AK5: variants seen among roughly 807,000 people sequenced by gnomAD.
AK5 encodes the protein adenylate kinase isoenzyme 5.
In AK5, 27 loss-of-function variants were observed where a neutral mutation model predicts 69.5. The ratio of observed to expected loss-of-function variants is 0.39; its 90% CI spans 0.29 to 0.54. AK5 has a LOEUF of 0.54. Among genes scored for constraint, AK5 ranks in the 20% least tolerant of loss-of-function variants. The pLI, the probability that AK5 is intolerant of heterozygous loss-of-function variation, is 0.71. For missense variants in AK5, 531 were observed against 700.4 expected, an observed-to-expected ratio of 0.76 and a Z score of 2.73; for synonymous variants, 260 against 244.4, an observed-to-expected ratio of 1.06 and a Z score of -0.60.
chr1:77,406,155 C>T (rs111417051), intron 6 of AK5, among the ~76,000 whole-genome samples: 13,531 of 150,988 alleles, frequency 0.09, 875 homozygotes, highest in African/African-American at 0.17. Flanking sequence ...ATGTGAAAAG[C>T]AGTGCATTGA....
intron 8 of AK5, among the ~76,000 whole-genome samples, chr1:77,451,550 G>A (rs1202376647): frequency 6.6e-6 from 1 of 152,142 alleles, no homozygotes; most frequent in Non-Finnish European, 1.5e-5. Context: ...ATTACTCTAG[G>A]AGTAAATAAG....
intron 5 of AK5, among the ~76,000 whole-genome samples, chr1:77,302,744 A>C (rs148062335): frequency 6.9e-4 from 105 of 152,322 alleles, no homozygotes; most frequent in Non-Finnish European, 1.3e-3. Flanking sequence ...CTCGCAAAGC[A>C]GTCAATTCTT....
intron 8 of AK5, among the ~76,000 whole-genome samples, chr1:77,445,174 A>T (rs1468766217): frequency 1.3e-5 from 2 of 152,136 alleles, no homozygotes; most frequent in Non-Finnish European, 2.9e-5. Context: ...ATCATATGGT[A>T]GTTCTACTTT....
chr1:77,526,435 C>T (rs561065702), intron 12 of AK5, among the ~76,000 whole-genome samples: 4 of 146,456 alleles, frequency 2.7e-5, no homozygotes, highest in South Asian at 2.2e-4. Context: ...ACAGGTCCTG[C>T]GCATGTTTGG....
At chr1:77,458,478 A>T (rs114428766) in intron 8 of AK5, among the ~76,000 whole-genome samples, 2,934 of 152,288 alleles carry the variant, frequency 0.019, 88 homozygotes, top group East Asian at 0.12. Context: ...ATAAAGACAT[A>T]CCTGAGACTG....
chr1:77,496,413 G>A (rs1235154650), intron 10 of AK5, among the ~76,000 whole-genome samples: 1 of 152,180 alleles, frequency 6.6e-6, no homozygotes, highest in Non-Finnish European at 1.5e-5. Flanking sequence ...CACATCATCA[G>A]CTTCCAACTT....
At chr1:77,366,330 A>G (rs1374090869) in intron 6 of AK5, among the ~76,000 whole-genome samples, 1 of 152,214 alleles carries the variant, frequency 6.6e-6, no homozygotes, top group Non-Finnish European at 1.5e-5. Context: ...TCCAGTGCCT[A>G]GCACATTATA....
chr1:77,389,464 A>G (rs114049868), intron 6 of AK5, among the ~76,000 whole-genome samples: 1,537 of 152,324 alleles, frequency 0.01, 6 homozygotes, highest in Non-Finnish European at 0.015. Context: ...GCTGGATTAC[A>G]TAAGTTAAAT....
chr1:77,377,757 T>A (rs1475980982), intron 6 of AK5, among the ~76,000 whole-genome samples: 1 of 152,230 alleles, frequency 6.6e-6, no homozygotes, highest in Non-Finnish European at 1.5e-5. Flanking sequence ...GGTGATATAG[T>A]TCCATACTTC....
At chr1:77,451,657 T>G (rs890703229) in intron 8 of AK5, among the ~76,000 whole-genome samples, 7 of 152,256 alleles carry the variant, frequency 4.6e-5, no homozygotes, top group African/African-American at 1.7e-4. Context: ...ATAAATAATC[T>G]TGAATGAATA....
chr1:77,531,197 G>A (rs900745237), intron 12 of AK5, among the ~76,000 whole-genome samples: 2 of 152,228 alleles, frequency 1.3e-5, no homozygotes, highest in Admixed American at 6.5e-5. Context: ...CAGGAGTGAA[G>A]CTGCAGACCT....
intron 10 of AK5, among the ~76,000 whole-genome samples, chr1:77,510,516 A>G (rs770399584): frequency 5.9e-5 from 9 of 151,804 alleles, no homozygotes; most frequent in East Asian, 1.9e-4. Context: ...TTCCGCTGCT[A>G]AAAAAAAGAA....
chr1:77,497,185 C>A (rs184802774), intron 10 of AK5, among the ~76,000 whole-genome samples: 1 of 152,060 alleles, frequency 6.6e-6, no homozygotes, highest in East Asian at 1.9e-4. Context: ...CAACTCCGGA[C>A]GTGCCACCCT....
chr1:77,341,508 A>G (rs1557511305), intron 6 of AK5, among the ~76,000 whole-genome samples: 1 of 152,186 alleles, frequency 6.6e-6, no homozygotes, highest in Non-Finnish European at 1.5e-5. Flanking sequence ...TGCCCATCCC[A>G]ATAAAAAGCA....
At chr1:77,500,166 A>C (rs1392702356) in intron 10 of AK5, among the ~76,000 whole-genome samples, 1 of 151,808 alleles carries the variant, frequency 6.6e-6, no homozygotes, top group South Asian at 2.1e-4. Context: ...TTAAGAACTA[A>C]CCATAACTAA....
intron 8 of AK5, among the ~76,000 whole-genome samples, chr1:77,459,944 A>C (rs1161033243): frequency 6.6e-6 from 1 of 152,214 alleles, no homozygotes; most frequent in Non-Finnish European, 1.5e-5. Context: ...ATCTAGTATA[A>C]TGCAAGTACC....
chr1:77,541,681 G>A (rs1031277933), intron 13 of AK5, among the ~76,000 whole-genome samples: 2 of 152,144 alleles, frequency 1.3e-5, no homozygotes, highest in Non-Finnish European at 2.9e-5. Context: ...GTGGGATCAG[G>A]CCTAAAAGGC....
At chr1:77,288,190 T>C (rs1282462520) in intron 2 of AK5, among the ~76,000 whole-genome samples, 1 of 152,136 alleles carries the variant, frequency 6.6e-6, no homozygotes, top group African/African-American at 2.4e-5. Flanking sequence ...TTAGAGAAGA[T>C]TTGTGGTGTT....
chr1:77,458,417 G>A (rs1653631226), intron 8 of AK5, among the ~76,000 whole-genome samples: 1 of 152,092 alleles, frequency 6.6e-6, no homozygotes. Context: ...AATCACCTCT[G>A]CAAATTCCCT....
Sources: gnomAD v4.1 joint callset for allele counts (sites outside exome capture counted in the v4.1 genomes callset) on GRCh38, gnomAD v4.1.1 for gene constraint, MANE v1.5 for transcripts, NCBI Gene and HGNC (gene_info 2026-07-23, HGNC 2026-07-21) for gene names.